Variants in ARHGEF7 observed in about 807,000 individuals in gnomAD.
ARHGEF7 encodes Rho guanine nucleotide exchange factor 7.
ARHGEF7 carries 33 observed loss-of-function variants against 109.8 expected under a neutral mutation model. The observed-to-expected ratio is 0.30, with a 90% CI of 0.23 to 0.40. The LOEUF (loss-of-function observed/expected upper bound fraction) is 0.40, where lower values mean the gene tolerates loss of function less well. ARHGEF7 is among the 10% of genes least tolerant of loss of function. The pLI is 1.00. For synonymous variants in ARHGEF7, 458 were observed against 424.6 expected (o/e 1.08, Z -0.97); for missense variants, 938 against 1,098.5 (o/e 0.85, Z 2.07).
chr13:111,250,966 AAT>A, intron 8 of ARHGEF7, among the ~76,000 whole-genome samples: 1 of 152,280 alleles, frequency 6.6e-6, no homozygotes, highest in East Asian at 1.9e-4. Flanking sequence ...GGTGGTTTCT[AAT>A]GTAGGCTCTG....
chr13:111,183,931 A>G (rs996185196), intron 2 of ARHGEF7, among the ~76,000 whole-genome samples: 21 of 152,078 alleles, frequency 1.4e-4, no homozygotes, highest in African/African-American at 2.4e-5. Context: ...TCACTTGCTT[A>G]TGGCCGGGTG....
chr13:111,209,367 C>G (rs1380431275), intron 3 of ARHGEF7: 1 of 152,716 alleles, frequency 6.5e-6, no homozygotes, highest in African/African-American at 2.4e-5. Context: ...CCTGTGCTGC[C>G]TTAGTGTTGG....
At chr13:111,295,315 C>T in intron 19 of ARHGEF7, 1 of 505,026 alleles carries the variant, frequency 2.0e-6, no homozygotes, top group African/African-American at 2.1e-5. Flanking sequence ...TAGATAGAAC[C>T]CTTCTGTCTG....
intron 2 of ARHGEF7, among the ~76,000 whole-genome samples, chr13:111,164,790 C>T (rs2076998969): frequency 6.6e-6 from 1 of 152,162 alleles, no homozygotes. Flanking sequence ...CAAGCGGAAT[C>T]GGGATAAGAA....
At position 111,191,885 on chromosome 13, in the gene ARHGEF7, G is replaced by A. The variant is rs182084958; in HGVS notation, c.253-13404G>A. 2.8e-3 allele frequency among the ~76,000 whole-genome samples: 419 copies of A among 152,292 alleles called. 1 individual carries two copies. Among genetic ancestry groups the A allele is most frequent in the African/African-American group, 3.4e-3 (142 of 41,566 alleles). On this transcript the variant is annotated intron_variant, in intron 2 of 21. Transcript: ENST00000646102. The stretch of plus-strand genomic sequence containing the variant: ...GAAGGTTGATAAGATTAGGATTTTC[G>A]TCCTAGCAGGAGCTGTAGTATATAG...
intron 2 of ARHGEF7, among the ~76,000 whole-genome samples, chr13:111,174,719 T>G (rs563917387): frequency 1.5e-3 from 234 of 152,240 alleles, no homozygotes; most frequent in Non-Finnish European, 2.2e-3. Flanking sequence ...CTGCTCTGTG[T>G]CCACACCCCG....
Position 111,244,304 on chromosome 13 carries a change from A to G in ARHGEF7, c.950+10A>G, listed in dbSNP as rs779562617. 2.6e-6 allele frequency: 4 copies of G among 1,554,964 alleles called. No individual in the cohort carries two copies. Among genetic ancestry groups the G allele is most frequent in the Non-Finnish European group, 3.5e-6 (4 of 1,143,140 alleles). ...TAGAAGAATGCACCAAGTAAGTAAG[A>G]TGCTAAAAATTTGCAACACTCAGGT... is the stretch of plus-strand genomic sequence containing the variant. On this transcript the variant is annotated intron_variant, in intron 8 of 21. Coordinates refer to ENST00000646102, the MANE Select transcript of ARHGEF7 (RefSeq NM_001354046.2).
chr13:111,136,908 G>A (rs1348257985), intron 1 of ARHGEF7, among the ~76,000 whole-genome samples: 1 of 152,112 alleles, frequency 6.6e-6, no homozygotes, highest in African/African-American at 2.4e-5. Context: ...AATGATAAAG[G>A]GGATATCATC....
intron 8 of ARHGEF7, among the ~76,000 whole-genome samples, chr13:111,244,584 G>A (rs1178502042): frequency 6.6e-6 from 1 of 152,194 alleles, no homozygotes; most frequent in Non-Finnish European, 1.5e-5. Context: ...CTGACACCAG[G>A]ACCACTGAGG....
chr13:111,244,132 A>G (rs1211627259), intron 7 of ARHGEF7, 67 bp from the exon 8 acceptor site: 9 of 1,322,574 alleles, frequency 6.8e-6, no homozygotes, highest in Non-Finnish European at 8.5e-6. Flanking sequence ...GGACATTGGG[A>G]TGGCAAAGGA....
At chr13:111,294,706 A>G (rs1243024100) in intron 19 of ARHGEF7, 7 of 985,318 alleles carry the variant, frequency 7.1e-6, no homozygotes, top group South Asian at 4.7e-5. Context: ...CATTGTTTCT[A>G]CTTTTGTGGG....
chr13:111,133,797 ATATATATATAT>A lies in ARHGEF7; in HGVS notation c.165+18107_165+18117del, dbSNP rs1566606884. Among the ~76,000 whole-genome samples, 392 of 40,296 alleles carry A rather than the reference ATATATATATAT, an allele frequency of 9.7e-3. 14 individuals are homozygous for A. Among genetic ancestry groups the A allele is most frequent in the Middle Eastern group, 0.047 (3 of 64 alleles). 26.4% of individuals were successfully genotyped at this position (40,296 alleles called of 152,430 possible). A position where few individuals can be genotyped will look rare whatever the true frequency, so the allele number is the denominator to read the frequency against. The stretch of plus-strand genomic sequence containing the variant: ...TATATATATATATATATATATATAT[ATATATATATAT>A]ATATATTTATTATACTTTAAGTTCT... On this transcript the variant is annotated intron_variant, in intron 1 of 21. Transcript: ENST00000646102.
intron 2 of ARHGEF7, among the ~76,000 whole-genome samples, chr13:111,177,122 G>A (rs986572697): frequency 6.6e-6 from 1 of 152,172 alleles, no homozygotes; most frequent in Non-Finnish European, 1.5e-5. Flanking sequence ...TGACTTCACC[G>A]AATTAACTCA....
intron 5 of ARHGEF7, among the ~76,000 whole-genome samples, chr13:111,221,711 A>ATCTG (rs1352203193): frequency 2.0e-5 from 3 of 148,238 alleles, no homozygotes; most frequent in Non-Finnish European, 4.5e-5. Context: ...ATCTATCTGT[A>ATCTG]TCTATCTATA....
chr13:111,121,981 C>A (rs1416210618), intron 1 of ARHGEF7, among the ~76,000 whole-genome samples: 2 of 152,206 alleles, frequency 1.3e-5, no homozygotes, highest in Non-Finnish European at 2.9e-5. Flanking sequence ...GAAAACCTTC[C>A]CCATCGTGTC....
intron 6 of ARHGEF7, among the ~76,000 whole-genome samples, chr13:111,243,630 G>C (rs149233153): frequency 1.3e-5 from 2 of 152,250 alleles, no homozygotes; most frequent in African/African-American, 4.8e-5. Context: ...ATTCATGCTA[G>C]GTATACCTGT....
Position 111,239,190 on chromosome 13 carries a change from A to T in ARHGEF7, c.760-4682A>T, listed in dbSNP as rs1301581484. On this transcript the variant is annotated intron_variant, in intron 6 of 21. Coordinates refer to ENST00000646102, the MANE Select transcript of ARHGEF7 (RefSeq NM_001354046.2). This position sits in a 1 kb window ranked among gnomAD's most constrained non-coding sequence, Gnocchi z 4.3. The stretch of plus-strand genomic sequence containing the variant: ...CCTGTCCCGCCCTTGACACATGGGG[A>T]TTATTACAATTCAGGGTGAGATTTG... Among the ~76,000 whole-genome samples the T allele has an allele frequency of 6.6e-6, 1 of 152,168 alleles. No individual in the cohort carries two copies. The highest frequency in any genetic ancestry group is 1.5e-5 in the Non-Finnish European group (1 of 68,034).
At chr13:111,297,827 T>A (rs1313203740) in intron 19 of ARHGEF7, among the ~76,000 whole-genome samples, 1 of 152,266 alleles carries the variant, frequency 6.6e-6, no homozygotes, top group African/African-American at 2.4e-5. Context: ...AAAATGTTAA[T>A]GTTGGAAACA....
At chr13:111,299,071 G>A (rs1487533037) in intron 19 of ARHGEF7, among the ~76,000 whole-genome samples, 4 of 152,188 alleles carry the variant, frequency 2.6e-5, no homozygotes, top group African/African-American at 9.7e-5. Context: ...TGAAGGAGCA[G>A]TGTCTTGATT....
Sources: gnomAD v4.1 joint callset for allele counts (sites outside exome capture counted in the v4.1 genomes callset) on GRCh38, gnomAD v4.1.1 for gene constraint, Gnocchi (gnomAD v3.1) non-coding constraint, MANE v1.5 for transcripts, NCBI Gene and HGNC (gene_info 2026-07-23, HGNC 2026-07-21) for gene names.